VAT1L: variants seen among roughly 807,000 people sequenced by gnomAD.
VAT1L encodes the protein putative NADPH-dependent quinone oxidoreductase VAT1L.
A neutral mutation model predicts 44.1 loss-of-function variants in VAT1L; 34 were observed. The ratio of observed to expected loss-of-function variants is 0.77; its 90% CI spans 0.59 to 1.03. The LOEUF (loss-of-function observed/expected upper bound fraction) is 1.03. Among genes scored for constraint, VAT1L ranks in the 50% least tolerant of loss-of-function variants. VAT1L has a pLI of 0.00. For synonymous variants in VAT1L, 253 were observed against 202.2 expected (o/e 1.25, Z -2.13); for missense variants, 615 against 538.8 (o/e 1.14, Z -1.40).
chr16:77,849,152 C>A (rs888386007), intron 3 of VAT1L, among the ~76,000 whole-genome samples: 2 of 152,136 alleles, frequency 1.3e-5, no homozygotes, highest in Admixed American at 6.5e-5. Flanking sequence ...AACAAACCTG[C>A]ACATTCTGCA....
intron 7 of VAT1L, among the ~76,000 whole-genome samples, chr16:77,914,133 C>A (rs2017526487): frequency 6.6e-6 from 1 of 152,160 alleles, no homozygotes; most frequent in Non-Finnish European, 1.5e-5. Flanking sequence ...TGGCTCATAC[C>A]AGCTCACAAG....
intron 3 of VAT1L, among the ~76,000 whole-genome samples, chr16:77,861,455 C>T (rs143975755): frequency 6.6e-6 from 1 of 152,350 alleles, no homozygotes; most frequent in African/African-American, 2.4e-5. Flanking sequence ...CCCTGGACCA[C>T]TTAATATTTA....
intron 7 of VAT1L, among the ~76,000 whole-genome samples, chr16:77,922,256 C>G (rs1260958338): frequency 6.6e-6 from 1 of 152,072 alleles, no homozygotes; most frequent in East Asian, 1.9e-4. Context: ...AATGCATGTA[C>G]AACATCCATG....
chr16:77,825,505 G>A (rs1944626656), intron 3 of VAT1L, 44 bp downstream of exon 3: 1 of 1,547,308 alleles, frequency 6.5e-7, no homozygotes, highest in South Asian at 1.2e-5. Context: ...GGTCATGATG[G>A]TGGAAGTGGA....
chr16:77,947,358 G>A (rs2017981940), intron 7 of VAT1L, among the ~76,000 whole-genome samples: 1 of 152,058 alleles, frequency 6.6e-6, no homozygotes. Flanking sequence ...GGAATTACCT[G>A]GCTTCTAAAA....
chr16:77,826,811 C>T (rs1246323026), intron 3 of VAT1L, among the ~76,000 whole-genome samples: 1 of 152,078 alleles, frequency 6.6e-6, no homozygotes, highest in Non-Finnish European at 1.5e-5. Context: ...AGATTAATCC[C>T]CTATCTTAGA....
At chr16:77,810,592 C>A (rs1597172225) in intron 1 of VAT1L, among the ~76,000 whole-genome samples, 1 of 152,076 alleles carries the variant, frequency 6.6e-6, no homozygotes, top group East Asian at 1.9e-4. Context: ...ATCACCTGAG[C>A]CCAGGAGGTC....
intron 7 of VAT1L, among the ~76,000 whole-genome samples, chr16:77,901,126 G>A (rs2017377359): frequency 6.8e-6 from 1 of 148,142 alleles, no homozygotes; most frequent in African/African-American, 2.5e-5. Flanking sequence ...AAACAAGATG[G>A]TGGTAGGTGT....
chr16:77,824,707 G>A (rs532588650), intron 2 of VAT1L, among the ~76,000 whole-genome samples: 128 of 147,088 alleles, frequency 8.7e-4, no homozygotes, highest in Non-Finnish European at 1.5e-3. Flanking sequence ...AGTGAGCTGA[G>A]ATCACGCCAC....
intron 3 of VAT1L, among the ~76,000 whole-genome samples, chr16:77,838,466 G>A (rs1004871934): frequency 6.6e-6 from 1 of 152,136 alleles, no homozygotes; most frequent in Non-Finnish European, 1.5e-5. Flanking sequence ...TGCAGCTCAT[G>A]TCATGGCAAA....
At chr16:77,926,035 G>C (rs1026139751) in intron 7 of VAT1L, among the ~76,000 whole-genome samples, 2 of 151,938 alleles carry the variant, frequency 1.3e-5, no homozygotes, top group African/African-American at 4.8e-5. Flanking sequence ...GGCCGAGGCG[G>C]GTGGGTCACG....
At chr16:77,957,361 T>G (rs2018114542) in intron 7 of VAT1L, among the ~76,000 whole-genome samples, 1 of 152,190 alleles carries the variant, frequency 6.6e-6, no homozygotes, top group South Asian at 2.1e-4. Context: ...GAGTCCTCCA[T>G]GCAGAAATAT....
chr16:77,876,405 G>A lies in VAT1L; in HGVS notation c.758G>A (p.Cys253Tyr). ...SAEGVDIVLD[C>Y]LCGDNTGKGL... ...GAAGGTGTGGACATCGTTTTGGATTGCCTCTGTGGGGACAACACTGGAAAA... is the reference window on the plus strand; with the variant it reads ...GAAGGTGTGGACATCGTTTTGGATTACCTCTGTGGGGACAACACTGGAAAA... The change falls in exon 5 of 9, where the codon TGC becomes TAC. Residue 253 changes from cysteine (C) to tyrosine (Y), a missense_variant. Cys to Tyr is a radical substitution (Grantham distance 194, BLOSUM62 -2). Coordinates refer to ENST00000302536, the MANE Select transcript of VAT1L (RefSeq NM_020927.3). 1 of 1,614,170 alleles carries A rather than the reference G, an allele frequency of 6.2e-7. No individual in the cohort carries two copies. The highest frequency in any genetic ancestry group is 8.5e-7 in the Non-Finnish European group (1 of 1,180,032).
chr16:77,976,347 A>C (rs572162390), intron 8 of VAT1L, among the ~76,000 whole-genome samples: 47 of 152,326 alleles, frequency 3.1e-4, no homozygotes, highest in Non-Finnish European at 5.9e-4. Context: ...GGCTTCCTTG[A>C]GGAAGCAGGA....
chr16:77,955,922 C>T (rs2018099128), intron 7 of VAT1L, among the ~76,000 whole-genome samples: 1 of 152,158 alleles, frequency 6.6e-6, no homozygotes, highest in South Asian at 2.1e-4. Flanking sequence ...TGCATCAAGC[C>T]TGTGGTTGTA....
chr16:77,841,609 G>C (rs1238482636), intron 3 of VAT1L, among the ~76,000 whole-genome samples: 1 of 152,144 alleles, frequency 6.6e-6, no homozygotes, highest in Admixed American at 6.5e-5. Context: ...TCAAAGAGCT[G>C]ACAATTCCAT....
In VAT1L at chr16:77,884,808, A is replaced by T. The variant is rs2017193638; in HGVS notation, c.1077+6A>T. Reference sequence around the variant, plus strand: ...CCTTGTGGGCTCTGGAGGAGGTAAGAATGGTGCTTTTCTTCTGCAAATAAA... The same window carrying T: ...CCTTGTGGGCTCTGGAGGAGGTAAGTATGGTGCTTTTCTTCTGCAAATAAA... On this transcript the variant is annotated splice_donor_region_variant and intron_variant, in intron 7 of 8. Coordinates refer to ENST00000302536, the MANE Select transcript of VAT1L (RefSeq NM_020927.3). The surrounding 1 kb of genome is among the most constrained non-coding windows in gnomAD (Gnocchi z 4.5). 1 of 1,472,330 alleles carries T rather than the reference A, an allele frequency of 6.8e-7. No individual in the cohort carries two copies. Among genetic ancestry groups the T allele is most frequent in the Non-Finnish European group, 9.0e-7 (1 of 1,113,610 alleles). 91.2% of individuals were successfully genotyped at this position (1,472,330 alleles called of 1,614,324 possible).
At chr16:77,875,324 C>T (rs1477838024) in intron 4 of VAT1L, among the ~76,000 whole-genome samples, 1 of 152,206 alleles carries the variant, frequency 6.6e-6, no homozygotes, top group Non-Finnish European at 1.5e-5. Context: ...GGACACAGGA[C>T]CCAGCTGTTA....
At chr16:77,856,214 G>T in intron 3 of VAT1L, among the ~76,000 whole-genome samples, 1 of 152,160 alleles carries the variant, frequency 6.6e-6, no homozygotes, top group Non-Finnish European at 1.5e-5. Flanking sequence ...AGAACTGATT[G>T]TTTTTCCTTG....
Sources: allele counts gnomAD v4.1 joint callset (sites outside exome capture counted in the v4.1 genomes callset), GRCh38; gene constraint gnomAD v4.1.1; non-coding constraint Gnocchi (gnomAD v3.1); transcripts MANE v1.5; gene names NCBI Gene and HGNC (gene_info 2026-07-23, HGNC 2026-07-21).